SOX6: variants seen among roughly 807,000 people sequenced by gnomAD.
The protein encoded by SOX6 is SRY-box transcription factor 6, also known as transcription factor SOX-6.
A neutral mutation model predicts 97.8 loss-of-function variants in SOX6; 11 were observed. The ratio of observed to expected loss-of-function variants is 0.11; its 90% CI spans 0.07 to 0.19. SOX6 has a LOEUF of 0.19. Among genes scored for constraint, SOX6 ranks in the 10% least tolerant of loss-of-function variants. The pLI, the probability that SOX6 is intolerant of heterozygous loss-of-function variation, is 1.00. For missense variants in SOX6, 810 were observed against 1,039.5 expected (o/e 0.78, Z 3.04); for synonymous variants, 360 against 371.4 (o/e 0.97, Z 0.35).
chr11:16,581,791 A>G (rs2133967355), intron 4 of SOX6, among the ~76,000 whole-genome samples: 1 of 151,792 alleles, frequency 6.6e-6, no homozygotes, highest in South Asian at 2.1e-4. Context: ...ATGAAACCCC[A>G]TCTCTACTAA....
chr11:16,570,499 A>G (rs7935041), intron 4 of SOX6, among the ~76,000 whole-genome samples: 39,667 of 152,052 alleles, frequency 0.26, 5,864 homozygotes, highest in East Asian at 0.49. Context: ...CTTTTATTTA[A>G]ATGCACAAAA....
Position 16,032,663 on chromosome 11 carries a change from CCATA to C in SOX6, c.1623+13847_1623+13850del, listed in dbSNP as rs1855409080. The stretch of plus-strand genomic sequence containing the variant: ...CACACATACACAATCATACATACAA[CCATA>C]CATACAGCCTCTGGGTTAACTTTCT... On this transcript the variant is annotated intron_variant, in intron 12 of 15. Coordinates refer to ENST00000683767, the MANE Select transcript of SOX6 (RefSeq NM_001367873.1). Among the ~76,000 whole-genome samples the C allele has an allele frequency of 2.0e-5, 3 of 152,184 alleles. No homozygotes were observed. The South Asian group carries it at 6.2e-4, about 32-fold the overall frequency.
intron 1 of SOX6, among the ~76,000 whole-genome samples, chr11:16,375,400 G>T (rs138182310): frequency 1.3e-5 from 2 of 151,838 alleles, no homozygotes; most frequent in African/African-American, 4.8e-5. Context: ...CAAGTAATTA[G>T]TTACAAATTA....
chr11:16,502,955 A>T (rs1043051454), intron 4 of SOX6, among the ~76,000 whole-genome samples: 5 of 152,216 alleles, frequency 3.3e-5, no homozygotes, highest in Non-Finnish European at 7.3e-5. Context: ...GAATTAAAAC[A>T]GCAAGAGAAA....
chr11:16,127,896 T>C (rs1411665744), intron 6 of SOX6, among the ~76,000 whole-genome samples: 2 of 152,172 alleles, frequency 1.3e-5, no homozygotes, highest in South Asian at 4.1e-4. Context: ...TGGACATACA[T>C]TTGAATGTTC....
At chr11:16,292,760 T>C (rs1044890601) in intron 3 of SOX6, among the ~76,000 whole-genome samples, 28 of 152,146 alleles carry the variant, frequency 1.8e-4, no homozygotes, top group African/African-American at 6.8e-4. Flanking sequence ...CGCTAAGAAG[T>C]ACAGCTAATG....
At chr11:16,733,563 T>C (rs2134061403) in intron 2 of SOX6, among the ~76,000 whole-genome samples, 1 of 113,368 alleles carries the variant, frequency 8.8e-6, no homozygotes. Flanking sequence ...GAATATCACA[T>C]ACCGGGGCCT....
At chr11:16,536,962 A>C (rs1323280611) in intron 4 of SOX6, among the ~76,000 whole-genome samples, 2 of 152,224 alleles carry the variant, frequency 1.3e-5, no homozygotes, top group African/African-American at 4.8e-5. Context: ...TTCTCCCAGC[A>C]CAGCGTTTGA....
At chr11:16,065,972 A>G (rs894755792) in intron 9 of SOX6, among the ~76,000 whole-genome samples, 1 of 152,214 alleles carries the variant, frequency 6.6e-6, no homozygotes, top group Non-Finnish European at 1.5e-5. Context: ...CAAAGTGAAG[A>G]GACAATCCCA....
intron 1 of SOX6, among the ~76,000 whole-genome samples, chr11:16,377,205 C>A (rs1411276078): frequency 6.6e-6 from 1 of 151,954 alleles, no homozygotes; most frequent in East Asian, 1.9e-4. Flanking sequence ...AAGAGGAAGA[C>A]TGAAAAGTGA....
intron 4 of SOX6, among the ~76,000 whole-genome samples, chr11:16,597,232 T>G (rs1301632555): frequency 2.0e-5 from 3 of 152,066 alleles, no homozygotes; most frequent in Non-Finnish European, 2.9e-5. Flanking sequence ...CCATGGTTCT[T>G]GTACTGATCA....
At chr11:16,025,511 A>G (rs901337647) in intron 12 of SOX6, among the ~76,000 whole-genome samples, 1 of 152,228 alleles carries the variant, frequency 6.6e-6, no homozygotes, top group Non-Finnish European at 1.5e-5. Flanking sequence ...GTCTTTGTCC[A>G]AAAAGGTATC....
At chr11:16,670,268 C>G (rs1429533575) in intron 3 of SOX6, among the ~76,000 whole-genome samples, 2 of 152,156 alleles carry the variant, frequency 1.3e-5, no homozygotes, top group Admixed American at 6.5e-5. Context: ...CCCAAGCTTA[C>G]AGTGCACCAT....
chr11:16,647,856 C>T (rs1257321539), intron 3 of SOX6, among the ~76,000 whole-genome samples: 1 of 152,166 alleles, frequency 6.6e-6, no homozygotes, highest in Non-Finnish European at 1.5e-5. Flanking sequence ...CATGCACTCC[C>T]AATCCCCAGC....
intron 13 of SOX6, among the ~76,000 whole-genome samples, chr11:15,995,953 A>G (rs1351770578): frequency 6.6e-6 from 1 of 152,204 alleles, no homozygotes; most frequent in Non-Finnish European, 1.5e-5. Context: ...GACAAACACC[A>G]AAAGAGATAT....
intron 4 of SOX6, chr11:16,577,042 G>C (rs898347996): frequency 1.3e-5 from 2 of 152,130 alleles, no homozygotes; most frequent in Non-Finnish European, 1.5e-5. Flanking sequence ...AACCGGCCCA[G>C]GTTGGAAATG....
chr11:16,701,745 A>G (rs1322276889), intron 3 of SOX6, among the ~76,000 whole-genome samples: 1 of 97,888 alleles, frequency 1.0e-5, no homozygotes, highest in Non-Finnish European at 2.0e-5. Flanking sequence ...AGTCCCAGCT[A>G]CTCAGGGGCG....
At chr11:16,313,699 A>C (rs1855675987) in intron 3 of SOX6, 1 of 152,080 alleles carries the variant, frequency 6.6e-6, no homozygotes, top group Non-Finnish European at 1.5e-5. Context: ...CAAGTAGATA[A>C]TCAAAATTAG....
At chr11:16,296,743 T>C (rs1047894827) in intron 3 of SOX6, among the ~76,000 whole-genome samples, 1 of 152,110 alleles carries the variant, frequency 6.6e-6, no homozygotes, top group Non-Finnish European at 1.5e-5. Flanking sequence ...TGGTAGGAAA[T>C]GCCCATTTCA....
Sources: allele counts gnomAD v4.1 joint callset (sites outside exome capture counted in the v4.1 genomes callset), GRCh38; gene constraint gnomAD v4.1.1; transcripts MANE v1.5; gene names NCBI Gene and HGNC (gene_info 2026-07-23, HGNC 2026-07-21).